The following MREG variants were observed in gnomAD, a reference collection of about 807,000 sequenced individuals.
The protein encoded by MREG is dilute suppressor protein homolog.
A neutral mutation model predicts 28.5 loss-of-function variants in MREG; 31 were observed. The observed-to-expected ratio is 1.09, with a 90% CI of 0.82 to 1.47. The LOEUF (loss-of-function observed/expected upper bound fraction) is 1.47. Among genes scored for constraint, MREG ranks in the 40% most tolerant of loss-of-function variants. MREG has a pLI of 0.00. For missense variants in MREG, 256 were observed against 257.4 expected, an observed-to-expected ratio of 0.99 and a Z score of 0.04; for synonymous variants, 106 against 95.2, an observed-to-expected ratio of 1.11 and a Z score of -0.66.
chr2:216,006,111 A>G (rs1046268121), intron 1 of MREG, among the ~76,000 whole-genome samples: 4 of 152,248 alleles, frequency 2.6e-5, no homozygotes, highest in Non-Finnish European at 1.5e-5. Context: ...AAATCACTTC[A>G]AGAGTCTAGA....
intron 2 of MREG, among the ~76,000 whole-genome samples, chr2:215,967,513 C>A (rs1692974626): frequency 6.6e-6 from 1 of 152,204 alleles, no homozygotes; most frequent in South Asian, 2.1e-4. Context: ...AAGATTCTCT[C>A]AATCTCTAAA....
chr2:215,946,721 G>A (rs1692331470), intron 3 of MREG, among the ~76,000 whole-genome samples: 2 of 151,532 alleles, frequency 1.3e-5, no homozygotes, highest in African/African-American at 2.4e-5. Context: ...TTAAATTAAT[G>A]TACAATGCCA....
intron 2 of MREG, among the ~76,000 whole-genome samples, chr2:215,984,770 T>C (rs186790024): frequency 1.7e-4 from 26 of 152,194 alleles, no homozygotes; most frequent in Admixed American, 6.5e-4. Flanking sequence ...TTGGGAAAAA[T>C]GTGTGTTGTG....
intron 2 of MREG, among the ~76,000 whole-genome samples, chr2:215,947,890 T>C (rs1046561787): frequency 2.6e-5 from 4 of 152,212 alleles, no homozygotes; most frequent in Non-Finnish European, 4.4e-5. Flanking sequence ...TTTAGGAGCA[T>C]TGGGGTCTTT....
intron 1 of MREG, among the ~76,000 whole-genome samples, chr2:216,026,963 T>C (rs912703820): frequency 3.3e-5 from 5 of 152,244 alleles, no homozygotes; most frequent in African/African-American, 9.6e-5. Context: ...AAATCTGTAC[T>C]TTAAACATGA....
chr2:215,985,634 G>T (rs542596088), intron 2 of MREG, among the ~76,000 whole-genome samples: 25 of 152,040 alleles, frequency 1.6e-4, no homozygotes, highest in African/African-American at 5.3e-4. Flanking sequence ...TTGGAACACT[G>T]TAAATTTAGC....
intron 1 of MREG, among the ~76,000 whole-genome samples, chr2:216,026,163 A>T (rs1694591779): frequency 6.6e-6 from 1 of 152,224 alleles, no homozygotes; most frequent in Non-Finnish European, 1.5e-5. Flanking sequence ...AGAGAGACAT[A>T]ACTCCAGCTG....
At chr2:215,989,507 C>G (rs1445611441) in intron 2 of MREG, among the ~76,000 whole-genome samples, 1 of 152,118 alleles carries the variant, frequency 6.6e-6, no homozygotes, top group Admixed American at 6.5e-5. Flanking sequence ...GATCACAACT[C>G]TTTACCAGCA....
At chr2:215,950,116 C>T (rs1241067744) in intron 2 of MREG, among the ~76,000 whole-genome samples, 3 of 152,192 alleles carry the variant, frequency 2.0e-5, no homozygotes, top group Admixed American at 1.3e-4. Context: ...TGAGTTGCCT[C>T]GTATGTTCAC....
At chr2:215,970,752 G>A (rs1033928476) in intron 2 of MREG, among the ~76,000 whole-genome samples, 54 of 152,166 alleles carry the variant, frequency 3.5e-4, no homozygotes, top group African/African-American at 1.1e-3. Flanking sequence ...AACGTTACAC[G>A]AGAAAGCACG....
chr2:215,991,895 C>T (rs896861110), intron 2 of MREG, among the ~76,000 whole-genome samples: 3 of 152,264 alleles, frequency 2.0e-5, no homozygotes, highest in Non-Finnish European at 4.4e-5. Context: ...GAAATTGAGG[C>T]AGTAATTAAT....
At chr2:215,962,506 C>T (rs1692818137) in intron 2 of MREG, among the ~76,000 whole-genome samples, 1 of 152,174 alleles carries the variant, frequency 6.6e-6, no homozygotes, top group African/African-American at 2.4e-5. Context: ...TAATTAGTCA[C>T]AGCAAAGACA....
chr2:215,989,751 G>A (rs147804581), intron 2 of MREG, among the ~76,000 whole-genome samples: 87 of 151,810 alleles, frequency 5.7e-4, no homozygotes, highest in African/African-American at 1.8e-3. Context: ...TGAAGCATTC[G>A]CAAGTATCAA....
intron 2 of MREG, among the ~76,000 whole-genome samples, chr2:215,995,298 C>T (rs1693837066): frequency 6.6e-6 from 1 of 152,178 alleles, no homozygotes; most frequent in Admixed American, 6.5e-5. Flanking sequence ...AGGCAACTGC[C>T]GGCCCTTCCC....
At chr2:216,014,787 T>G (rs1457689395), upstream of MREG, among the ~76,000 whole-genome samples, 1 of 152,216 alleles carries the variant, frequency 6.6e-6, no homozygotes, top group Non-Finnish European at 1.5e-5. Flanking sequence ...TAATCCGAAT[T>G]TACTCTCTGA....
At chr2:215,999,375 G>A (rs958878907) in intron 1 of MREG, among the ~76,000 whole-genome samples, 6 of 152,196 alleles carry the variant, frequency 3.9e-5, no homozygotes, top group Non-Finnish European at 8.8e-5. Context: ...CACGGGAGTA[G>A]GTGTAATTTT....
At position 215,963,525 on chromosome 2, in the gene MREG, G is replaced by A. The variant is rs575335120; in HGVS notation, c.256-16412C>T. ...TTTTGTTATATAACTGATTAAATAAGACTATTAAATTTAATTTCACCTATT... is the reference window on the plus strand; with the variant it reads ...TTTTGTTATATAACTGATTAAATAAAACTATTAAATTTAATTTCACCTATT... On this transcript the variant is annotated intron_variant, in intron 2 of 4. Coordinates refer to ENST00000263268, the MANE Select transcript of MREG (RefSeq NM_018000.3). 4.0e-5 allele frequency among the ~76,000 whole-genome samples: 6 copies of A among 149,166 alleles called. No homozygotes were observed. In the South Asian group the frequency reaches 1.1e-3, roughly 26 times the overall value.
intron 1 of MREG, among the ~76,000 whole-genome samples, chr2:216,012,105 C>T (rs3770565): frequency 0.21 from 32,290 of 152,054 alleles, 4,258 homozygotes; most frequent in East Asian, 0.4. Context: ...GTACTACATC[C>T]TAGAAGAGGA....
chr2:215,962,848 A>C (rs1453404219), intron 2 of MREG, among the ~76,000 whole-genome samples: 5 of 152,212 alleles, frequency 3.3e-5, no homozygotes, highest in Non-Finnish European at 7.3e-5. Context: ...AGACTTAAGA[A>C]AAAAGGGCCA....
Sources: gnomAD v4.1 joint callset for allele counts (sites outside exome capture counted in the v4.1 genomes callset) on GRCh38, gnomAD v4.1.1 for gene constraint, MANE v1.5 for transcripts, NCBI Gene and HGNC (gene_info 2026-07-23, HGNC 2026-07-21) for gene names.